The following BIN1 variants were observed in gnomAD, a reference collection of about 807,000 sequenced individuals.
BIN1 encodes the protein myc box-dependent-interacting protein 1.
Under a neutral mutation model 82.0 loss-of-function variants are expected in BIN1, and 53 were observed. The observed-to-expected ratio is 0.65, with a 90% CI of 0.52 to 0.81. BIN1 has a LOEUF of 0.81. Ranked by LOEUF, BIN1 falls within the 40% of genes least tolerant of loss-of-function variation. The probability of loss-of-function intolerance (pLI) is 0.00; values close to 1 mark genes in which losing one functional copy is unlikely to be tolerated. For synonymous variants in BIN1, 302 were observed against 328.0 expected (o/e 0.92, Z 0.86); for missense variants, 642 against 784.4 (o/e 0.82, Z 2.17).
chr2:127,048,568 G>A lies in BIN1; in HGVS notation c.1740C>T (p.Cys580=), dbSNP rs749596462. The change falls in exon 19 of 19, where the codon TGC becomes TGT. Residue 580 remains cysteine (C), a synonymous_variant. Coordinates refer to ENST00000316724, the MANE Select transcript of BIN1 (RefSeq NM_139343.3). ...DWNQHKELEK[C]RGVFPENFTE... is the part of the protein sequence containing the mutation. ...TGAAGTTCTCGGGGAAGACGCCACG[G>A]CACTTCTCCAGCTCCTTGTGCTGGT... is the stretch of plus-strand genomic sequence containing the variant. 37 of 1,613,400 alleles carry A rather than the reference G, an allele frequency of 2.3e-5. No homozygotes were observed. The highest frequency in any genetic ancestry group is 3.1e-5 in the Non-Finnish European group (36 of 1,179,928).
intron 18 of BIN1, 114 bp downstream of exon 18, chr2:127,050,307 G>T: frequency 9.0e-7 from 1 of 1,107,108 alleles, no homozygotes; most frequent in Non-Finnish European, 1.4e-6. Context: ...CGGGAGCCCT[G>T]GTGCTCGCGG....
Position 127,068,104 on chromosome 2 carries a change from G to A in BIN1, c.612+59C>T. On this transcript the variant is annotated intron_variant, in intron 7 of 18. Transcript: ENST00000316724. The surrounding 1 kb of genome is among the most constrained non-coding windows in gnomAD (Gnocchi z 4.9). ...AGCCCTGCATTCCACCGCAGGGCGA[G>A]AGGACAGGACGACAGACCGGAAGGC... 1 of 1,540,752 alleles carries A rather than the reference G, an allele frequency of 6.5e-7. No homozygotes were observed. The highest frequency in any genetic ancestry group is 8.9e-7 in the Non-Finnish European group (1 of 1,125,710).
chr2:127,103,497 C>T (rs1490855079), intron 1 of BIN1, among the ~76,000 whole-genome samples: 4 of 152,144 alleles, frequency 2.6e-5, no homozygotes, highest in Admixed American at 2.6e-4. Context: ...TGCACCCCTC[C>T]AGCATGCTCA....
rs1052933907 is a variant in BIN1, at chr2:127,067,182, G to A, written c.612+981C>T. ...GATGATGAAATCAAGAGGAGGCTCC[G>A]AAAAAATGGGGCAGCTGCCCAGAGA... On this transcript the variant is annotated intron_variant, in intron 7 of 18. Transcript: ENST00000316724. The surrounding 1 kb of genome is among the most constrained non-coding windows in gnomAD (Gnocchi z 4.7). 6.6e-6 allele frequency among the ~76,000 whole-genome samples: 1 copy of A among 152,008 alleles called. No individual in the cohort carries two copies. Among genetic ancestry groups the A allele is most frequent in the African/African-American group, 2.4e-5 (1 of 41,378 alleles).
At position 127,066,520 on chromosome 2, in the gene BIN1, G is replaced by A. The variant is rs568869316; in HGVS notation, c.612+1643C>T. ...TTCAGGGAAAATTATTCAGAAACCC[G>A]GGCCCTCCGTCAGTAGTCCCATTCC... is the stretch of plus-strand genomic sequence containing the variant. On this transcript the variant is annotated intron_variant, in intron 7 of 18. Transcript: ENST00000316724. 7.9e-5 allele frequency among the ~76,000 whole-genome samples: 12 copies of A among 152,238 alleles called. No individual in the cohort carries two copies. The South Asian group carries it at 1.2e-3, about 16-fold the overall frequency.
chr2:127,071,247 G>C (rs1685854871), intron 2 of BIN1, among the ~76,000 whole-genome samples: 1 of 152,190 alleles, frequency 6.6e-6, no homozygotes, highest in Non-Finnish European at 1.5e-5. Flanking sequence ...GTGACCACCA[G>C]GCCCCCTGCT....
At chr2:127,087,499 C>A (rs1307299220) in intron 1 of BIN1, among the ~76,000 whole-genome samples, 2 of 152,190 alleles carry the variant, frequency 1.3e-5, no homozygotes, top group African/African-American at 2.4e-5. Flanking sequence ...GGGTGGGCTG[C>A]GGTGGCCTGG....
At chr2:127,053,794 A>G in intron 13 of BIN1, 111 bp downstream of exon 13, 1 of 1,044,392 alleles carries the variant, frequency 9.6e-7, no homozygotes, top group Non-Finnish European at 1.4e-6. Context: ...GTGCCAGGGG[A>G]AGGGCAGTGA....
chr2:127,063,880 G>A (rs1299146117), intron 8 of BIN1, 53 bp downstream of exon 8: 2 of 1,607,168 alleles, frequency 1.2e-6, no homozygotes, highest in African/African-American at 1.3e-5. Flanking sequence ...GGGCACCGCA[G>A]CACGCAGACT....
chr2:127,078,110 C>T (rs1452675184), intron 1 of BIN1, among the ~76,000 whole-genome samples: 4 of 152,206 alleles, frequency 2.6e-5, no homozygotes, highest in Admixed American at 6.5e-5. Context: ...CCAACGGATG[C>T]CTGGTACCAG....
At chr2:127,053,332 C>T in intron 14 of BIN1, 90 bp downstream of exon 14, 3 of 1,560,094 alleles carry the variant, frequency 1.9e-6, no homozygotes, top group South Asian at 2.3e-5. Flanking sequence ...GGTGCATGCA[C>T]CTGTGAACAG....
At position 127,057,037 on chromosome 2, in the gene BIN1, G is replaced by A. The variant is rs1206116997; in HGVS notation, c.1131+436C>T. Among the ~76,000 whole-genome samples, 2 of 152,220 alleles carry A rather than the reference G, an allele frequency of 1.3e-5. No homozygotes were observed. The highest frequency in any genetic ancestry group is 6.5e-5 in the Admixed American group (1 of 15,288). ...CACGGCAGTTCTGCCCTGCAGCCTGGCCGCTGCCCCCGCCCTCGAGGGGCT... is the reference window on the plus strand; with the variant it reads ...CACGGCAGTTCTGCCCTGCAGCCTGACCGCTGCCCCCGCCCTCGAGGGGCT... On this transcript the variant is annotated intron_variant, in intron 12 of 18. Transcript: ENST00000316724. The surrounding 1 kb of genome is among the most constrained non-coding windows in gnomAD (Gnocchi z 5.0).
chr2:127,104,104 G>C (rs1249224233), intron 1 of BIN1, among the ~76,000 whole-genome samples: 1 of 152,272 alleles, frequency 6.6e-6, no homozygotes, highest in East Asian at 1.9e-4. Flanking sequence ...CAGCCCAGGA[G>C]GCACTGGGCC....
At chr2:127,073,597 G>T (rs973614100) in intron 2 of BIN1, among the ~76,000 whole-genome samples, 1 of 152,192 alleles carries the variant, frequency 6.6e-6, no homozygotes, top group Admixed American at 6.5e-5. Flanking sequence ...GGGTCTAGGG[G>T]GCAGGGACGG....
chr2:127,068,090 C>T lies in BIN1; in HGVS notation c.612+73G>A. On this transcript the variant is annotated intron_variant, in intron 7 of 18. Coordinates refer to ENST00000316724, the MANE Select transcript of BIN1 (RefSeq NM_139343.3). The surrounding 1 kb of genome is among the most constrained non-coding windows in gnomAD (Gnocchi z 4.9). ...TGGGCTCAGATGCCAGCCCTGCATT[C>T]CACCGCAGGGCGAGAGGACAGGACG... is the stretch of plus-strand genomic sequence containing the variant. The T allele has an allele frequency of 2.1e-6, 3 of 1,456,146 alleles. No homozygotes were observed. Among genetic ancestry groups the T allele is most frequent in the Non-Finnish European group, 2.8e-6 (3 of 1,054,224 alleles). The allele number at this position is 1,456,146 out of a possible 1,614,324, so 90.2% of individuals were successfully genotyped here.
At position 127,067,403 on chromosome 2, in the gene BIN1, C is replaced by T. The variant is rs1364208579; in HGVS notation, c.612+760G>A. Reference sequence around the variant, plus strand: ...GCCACACTGTAACCCATTTGGAGGGCAGGGGGCTGAGAAGACCATAGCCTC... The same window carrying T: ...GCCACACTGTAACCCATTTGGAGGGTAGGGGGCTGAGAAGACCATAGCCTC... On this transcript the variant is annotated intron_variant, in intron 7 of 18. Transcript: ENST00000316724. This position sits in a 1 kb window ranked among gnomAD's most constrained non-coding sequence, Gnocchi z 4.7. Among the ~76,000 whole-genome samples the T allele has an allele frequency of 2.0e-5, 3 of 152,210 alleles. No individual in the cohort carries two copies. The highest frequency in any genetic ancestry group is 7.2e-5 in the African/African-American group (3 of 41,448).
At chr2:127,088,733 T>TAAAAG (rs1346719966) in intron 1 of BIN1, among the ~76,000 whole-genome samples, 1 of 146,640 alleles carries the variant, frequency 6.8e-6, no homozygotes, top group Non-Finnish European at 1.5e-5. Flanking sequence ...AGCAAGACCG[T>TAAAAG]ATCTCTTAAA....
At chr2:127,063,821 G>A (rs533398571) in intron 8 of BIN1, 112 bp downstream of exon 8, 23 of 1,467,926 alleles carry the variant, frequency 1.6e-5, no homozygotes, top group East Asian at 9.1e-5. Flanking sequence ...ACCGCAGCAC[G>A]CAGACTGGAC....
intron 1 of BIN1, 118 bp downstream of exon 1, chr2:127,106,742 G>T: frequency 7.7e-7 from 1 of 1,307,094 alleles, no homozygotes; most frequent in Non-Finnish European, 1.0e-6. Context: ...TCCTCTAGAG[G>T]TGACAGCACC....
Sources: gnomAD v4.1 joint callset for allele counts (sites outside exome capture counted in the v4.1 genomes callset) on GRCh38, gnomAD v4.1.1 for gene constraint, Gnocchi (gnomAD v3.1) non-coding constraint, MANE v1.5 for transcripts, NCBI Gene and HGNC (gene_info 2026-07-23, HGNC 2026-07-21) for gene names.